Variants in MEGF10 observed in about 807,000 individuals in gnomAD.
MEGF10 encodes the protein multiple epidermal growth factor-like domains protein 10.
Under a neutral mutation model 147.5 loss-of-function variants are expected in MEGF10, and 86 were observed. The observed-to-expected ratio is 0.58, with a 90% CI of 0.49 to 0.70. MEGF10 has a LOEUF of 0.70. MEGF10 is among the 30% of genes least tolerant of loss of function. MEGF10 has a pLI of 0.00. For missense variants in MEGF10, 1,329 were observed against 1,487.3 expected (o/e 0.89, Z 1.75); for synonymous variants, 478 against 525.5 (o/e 0.91, Z 1.24).
chr5:127,383,855 AT>A (rs1053154259), intron 5 of MEGF10, among the ~76,000 whole-genome samples: 4 of 152,170 alleles, frequency 2.6e-5, no homozygotes, highest in African/African-American at 9.7e-5. Flanking sequence ...CATCGTTTAA[AT>A]TTTTTTCTCA....
chr5:127,287,338 C>G (rs188946569), upstream of MEGF10, among the ~76,000 whole-genome samples: 312 of 151,952 alleles, frequency 2.1e-3, 1 homozygote, highest in African/African-American at 7.0e-3. Flanking sequence ...GTAGAAAATC[C>G]TAAGCAAACT....
intron 4 of MEGF10, among the ~76,000 whole-genome samples, chr5:127,352,835 G>C (rs1032181141): frequency 6.6e-6 from 1 of 152,170 alleles, no homozygotes; most frequent in Non-Finnish European, 1.5e-5. Context: ...GGTTGATTTG[G>C]GGGCTGATAA....
At chr5:127,402,441 T>A (rs2126934427) in intron 7 of MEGF10, 105 bp from the exon 8 acceptor site, 1 of 1,284,674 alleles carries the variant, frequency 7.8e-7, no homozygotes, top group Middle Eastern at 2.5e-4. Flanking sequence ...CTTGCAGCCC[T>A]GTTCCCCATC....
At chr5:127,437,217 T>C (rs1037034260) in intron 16 of MEGF10, among the ~76,000 whole-genome samples, 2 of 152,260 alleles carry the variant, frequency 1.3e-5, no homozygotes, top group African/African-American at 2.4e-5. Flanking sequence ...AGTCTCACTG[T>C]GGCTTTGGGA....
chr5:127,304,866 C>T (rs1195373677), intron 1 of MEGF10, among the ~76,000 whole-genome samples: 3 of 152,086 alleles, frequency 2.0e-5, no homozygotes, highest in Non-Finnish European at 4.4e-5. Flanking sequence ...AGAAAGAGAG[C>T]CCTTACCAGA....
At chr5:127,312,506 A>G (rs1345992176) in intron 1 of MEGF10, among the ~76,000 whole-genome samples, 1 of 152,180 alleles carries the variant, frequency 6.6e-6, no homozygotes, top group Admixed American at 6.5e-5. Context: ...TAAACCCCCA[A>G]TCGCACAGAG....
rs1765873238 is a variant in MEGF10, at chr5:127,444,639, C to T, written c.2492-818C>T. 6 of 152,140 alleles carry T rather than the reference C, an allele frequency of 3.9e-5. No individual in the cohort carries two copies. In the South Asian group the frequency reaches 1.2e-3, roughly 32 times the overall value. The allele number at this position is 152,140 out of a possible 1,614,324, so 9.4% of individuals were successfully genotyped here. A position where few individuals can be genotyped will look rare whatever the true frequency, so the allele number is the denominator to read the frequency against. On this transcript the variant is annotated intron_variant, in intron 19 of 24. Transcript: ENST00000503335. Reference sequence around the variant, plus strand: ...CTTGAATCTCAACCCATGCCTTTAGCGTTATCACTTGACGGACCATAAGGA... The same window carrying T: ...CTTGAATCTCAACCCATGCCTTTAGTGTTATCACTTGACGGACCATAAGGA...
intron 20 of MEGF10, 35 bp downstream of exon 20, chr5:127,445,728 T>C (rs1765921825): frequency 5.3e-6 from 8 of 1,515,750 alleles, no homozygotes; most frequent in Non-Finnish European, 7.3e-6. Flanking sequence ...TTTTGCTTCT[T>C]GAAAAGTTAA....
chr5:127,267,354 G>A, the MEGF10 span, among the ~76,000 whole-genome samples: 6 of 152,176 alleles, frequency 3.9e-5, no homozygotes, highest in South Asian at 4.1e-4. Context: ...TTGCATCAAT[G>A]TTCATCAGGG....
intron 1 of MEGF10, among the ~76,000 whole-genome samples, chr5:127,310,290 G>C (rs1175574003): frequency 6.6e-6 from 1 of 151,536 alleles, no homozygotes; most frequent in East Asian, 1.9e-4. Context: ...CTATGTTGTA[G>C]GAGTTCTTTT....
intron 1 of MEGF10, among the ~76,000 whole-genome samples, chr5:127,293,475 A>G (rs943967510): frequency 3.3e-5 from 5 of 152,216 alleles, no homozygotes; most frequent in African/African-American, 9.7e-5. Context: ...GGTTCAAACT[A>G]TACAAACCCT....
rs1764355826 is a variant in MEGF10 at position 127,406,951 on chromosome 5, T to C, written c.918-3438T>C. ...CACATGATTGGTGCTCAGTGAGTAT[T>C]AGCTGGATGAAGGGATGCATGACTC... On this transcript the variant is annotated intron_variant, in intron 8 of 24. Transcript: ENST00000503335. Among the ~76,000 whole-genome samples, 8 of 152,144 alleles carry C rather than the reference T, an allele frequency of 5.3e-5. No homozygotes were observed. In the South Asian group the frequency reaches 1.7e-3, roughly 32 times the overall value.
intron 9 of MEGF10, among the ~76,000 whole-genome samples, chr5:127,415,457 C>T (rs1764724041): frequency 6.6e-6 from 1 of 152,020 alleles, no homozygotes; most frequent in Admixed American, 6.6e-5. Flanking sequence ...AGATGGGCAG[C>T]ACAGTTGGAA....
chr5:127,319,444 T>C (rs1040259136), intron 1 of MEGF10, among the ~76,000 whole-genome samples: 14 of 152,196 alleles, frequency 9.2e-5, no homozygotes, highest in African/African-American at 2.7e-4. Flanking sequence ...AGTGGACTCG[T>C]CTCTATGTCT....
chr5:127,312,092 G>T (rs867807948), intron 1 of MEGF10, among the ~76,000 whole-genome samples: 32 of 152,238 alleles, frequency 2.1e-4, no homozygotes, highest in Middle Eastern at 6.8e-3. Context: ...ACCTCGTCTC[G>T]CCTTGCTCCT....
At chr5:127,447,779 T>C (rs1766005806) in intron 21 of MEGF10, 95 bp downstream of exon 21, 1 of 1,459,192 alleles carries the variant, frequency 6.9e-7, no homozygotes, top group African/African-American at 1.4e-5. Context: ...GAGGCTGTTC[T>C]AGGTACTTTA....
At chr5:127,433,886 G>A (rs529287877) in intron 14 of MEGF10, among the ~76,000 whole-genome samples, 7 of 152,226 alleles carry the variant, frequency 4.6e-5, no homozygotes, top group South Asian at 2.1e-4. Flanking sequence ...ATTACCAGAC[G>A]TCAACATCAG....
rs372938701 is a variant in MEGF10, at chr5:127,457,331, G to C, written c.*13G>C. The C allele has an allele frequency of 1.2e-6, 2 of 1,608,852 alleles. No individual in the cohort carries two copies. Among genetic ancestry groups the C allele is most frequent in the Non-Finnish European group, 1.7e-6 (2 of 1,178,424 alleles). On this transcript the variant is annotated 3_prime_UTR_variant, in exon 25 of 25. Transcript: ENST00000503335. The stretch of plus-strand genomic sequence containing the variant: ...CAGCAGTGAATGACACCAAAGGACC[G>C]CTTGGTAGCCACTGGAACCCTTTCC...
chr5:127,371,960 G>A (rs1354830603), intron 5 of MEGF10, among the ~76,000 whole-genome samples: 1 of 152,134 alleles, frequency 6.6e-6, no homozygotes, highest in Non-Finnish European at 1.5e-5. Flanking sequence ...GTAAAAAAAC[G>A]ATATTCTGAG....
Sources: allele counts gnomAD v4.1 joint callset (sites outside exome capture counted in the v4.1 genomes callset), GRCh38; gene constraint gnomAD v4.1.1; transcripts MANE v1.5; gene names NCBI Gene and HGNC (gene_info 2026-07-23, HGNC 2026-07-21).